JMY: variants seen among roughly 807,000 people sequenced by gnomAD.
JMY encodes junction-mediating and -regulatory protein.
Under a neutral mutation model 103.3 loss-of-function variants are expected in JMY, and 46 were observed. That is an observed-to-expected ratio of 0.45 (90% CI 0.35 to 0.57). The LOEUF (loss-of-function observed/expected upper bound fraction) is 0.57. JMY is among the 20% of genes least tolerant of loss of function. The probability of loss-of-function intolerance (pLI) is 0.00; values close to 1 mark genes in which losing one functional copy is unlikely to be tolerated. For synonymous variants in JMY, 526 were observed against 489.3 expected, an observed-to-expected ratio of 1.07 and a Z score of -0.99; for missense variants, 1,238 against 1,255.2, an observed-to-expected ratio of 0.99 and a Z score of 0.21.
intron 2 of JMY, among the ~76,000 whole-genome samples, chr5:79,285,853 A>T (rs994833310): frequency 9.9e-5 from 15 of 152,252 alleles, no homozygotes; most frequent in Middle Eastern, 3.4e-3. Flanking sequence ...TTTCCCCCCT[A>T]CTGTGTTTCT....
chr5:79,273,104 AAT>A (rs1212796801), intron 1 of JMY, among the ~76,000 whole-genome samples: 2 of 152,348 alleles, frequency 1.3e-5, no homozygotes, highest in East Asian at 3.9e-4. Flanking sequence ...TAAGAGGAAA[AAT>A]AGTCTATTTT....
intron 1 of JMY, among the ~76,000 whole-genome samples, chr5:79,267,756 G>A (rs542618984): frequency 6.6e-6 from 1 of 152,292 alleles, no homozygotes; most frequent in East Asian, 1.9e-4. Flanking sequence ...TTGTATGGAT[G>A]TACTACAATT....
chr5:79,305,661 G>C (rs1422478340), intron 6 of JMY, among the ~76,000 whole-genome samples: 1 of 151,616 alleles, frequency 6.6e-6, no homozygotes, highest in Non-Finnish European at 1.5e-5. Flanking sequence ...GTTTTATATG[G>C]TGATTGGAAA....
rs1747457312 is a variant in JMY at position 79,321,752 on chromosome 5, G to C, written c.*150G>C. 1 of 152,166 alleles carries C rather than the reference G, an allele frequency of 6.6e-6. No individual in the cohort carries two copies. The highest frequency in any genetic ancestry group is 1.5e-5 in the Non-Finnish European group (1 of 68,026). The allele number at this position is 152,166 out of a possible 1,614,324, so 9.4% of individuals were successfully genotyped here. A position where few individuals can be genotyped will look rare whatever the true frequency, so the allele number is the denominator to read the frequency against. On this transcript the variant is annotated 3_prime_UTR_variant, in exon 11 of 11. Transcript: ENST00000396137. The stretch of plus-strand genomic sequence containing the variant: ...GTGAAGAAAGGAAGCACAATTGGCA[G>C]GTTATCACTTTCCAGTCGTTCCAAT...
At chr5:79,257,233 C>G (rs932799069) in intron 1 of JMY, among the ~76,000 whole-genome samples, 1 of 151,914 alleles carries the variant, frequency 6.6e-6, no homozygotes, top group Non-Finnish European at 1.5e-5. Context: ...CTACCATGCC[C>G]GGCTAAGTTC....
At chr5:79,286,321 TA>T (rs1033623547) in intron 2 of JMY, among the ~76,000 whole-genome samples, 2 of 151,856 alleles carry the variant, frequency 1.3e-5, no homozygotes, top group Non-Finnish European at 2.9e-5. Flanking sequence ...TGCCACAGGT[TA>T]AAAAAAAATT....
At chr5:79,257,921 C>A (rs996005377) in intron 1 of JMY, among the ~76,000 whole-genome samples, 2 of 152,116 alleles carry the variant, frequency 1.3e-5, no homozygotes, top group Non-Finnish European at 2.9e-5. Flanking sequence ...CACCCCAACA[C>A]CTGGCTAATT....
intron 4 of JMY, among the ~76,000 whole-genome samples, chr5:79,298,485 C>T (rs952583522): frequency 2.0e-5 from 3 of 152,136 alleles, no homozygotes; most frequent in African/African-American, 7.2e-5. Flanking sequence ...GACATTATTC[C>T]TTGGTTCTTA....
intron 1 of JMY, among the ~76,000 whole-genome samples, chr5:79,257,135 C>T (rs1024334687): frequency 4.6e-5 from 7 of 150,952 alleles, no homozygotes; most frequent in Non-Finnish European, 8.8e-5. Context: ...TGCAGTGGTG[C>T]GATCTCGGCT....
chr5:79,303,241 T>G (rs1746789345), intron 6 of JMY, among the ~76,000 whole-genome samples: 1 of 152,134 alleles, frequency 6.6e-6, no homozygotes, highest in Admixed American at 6.6e-5. Flanking sequence ...AATATTTTAT[T>G]TATTTTTTTA....
intron 7 of JMY, among the ~76,000 whole-genome samples, chr5:79,310,251 G>C (rs547880164): frequency 6.6e-6 from 1 of 151,580 alleles, no homozygotes; most frequent in African/African-American, 2.4e-5. Flanking sequence ...TTAGTAGATG[G>C]GGTTTCACCA....
At chr5:79,269,937 C>T (rs2112075304) in intron 1 of JMY, among the ~76,000 whole-genome samples, 1 of 152,004 alleles carries the variant, frequency 6.6e-6, no homozygotes, top group East Asian at 1.9e-4. Context: ...TACTATGTTG[C>T]CCAGGTGGGT....
At position 79,290,846 on chromosome 5, in the gene JMY, C is replaced by T. The variant is rs545572190; in HGVS notation, c.1358-284C>T. Among the ~76,000 whole-genome samples, 3 of 152,190 alleles carry T rather than the reference C, an allele frequency of 2.0e-5. No individual in the cohort carries two copies. In the East Asian group the frequency reaches 5.8e-4, roughly 29 times the overall value. On this transcript the variant is annotated intron_variant, in intron 3 of 10. Transcript: ENST00000396137. Reference sequence around the variant, plus strand: ...ACTAAAAATACAAAAATTAGCCGGGCATGGTGGTGGGTGCCTGTAATCCCA... The same window carrying T: ...ACTAAAAATACAAAAATTAGCCGGGTATGGTGGTGGGTGCCTGTAATCCCA...
At chr5:79,265,045 C>T (rs1358234142) in intron 1 of JMY, among the ~76,000 whole-genome samples, 2 of 152,134 alleles carry the variant, frequency 1.3e-5, no homozygotes, top group Non-Finnish European at 2.9e-5. Flanking sequence ...CCTGCCTCAG[C>T]CTCCTGAGTA....
At chr5:79,262,788 TTCTG>T (rs1316760853) in intron 1 of JMY, among the ~76,000 whole-genome samples, 2 of 152,244 alleles carry the variant, frequency 1.3e-5, no homozygotes, top group Non-Finnish European at 2.9e-5. Flanking sequence ...TAAAGTACTA[TTCTG>T]TCTGAGGACA....
At chr5:79,278,585 C>CA (rs34278536) in intron 2 of JMY, among the ~76,000 whole-genome samples, 3,412 of 57,228 alleles carry the variant, frequency 0.06, 632 homozygotes, top group African/African-American at 0.065. Context: ...CCCGTCTCTA[C>CA]AAAAAAAAAA....
At chr5:79,279,794 C>G (rs1746055607) in intron 2 of JMY, among the ~76,000 whole-genome samples, 1 of 152,050 alleles carries the variant, frequency 6.6e-6, no homozygotes, top group African/African-American at 2.4e-5. Context: ...GTTAAAACAG[C>G]AACATGGAAC....
At chr5:79,240,304 G>A (rs543849338) in intron 1 of JMY, among the ~76,000 whole-genome samples, 2 of 151,674 alleles carry the variant, frequency 1.3e-5, no homozygotes, top group East Asian at 3.9e-4. Context: ...GTGAGCCACC[G>A]CACCCAGCCT....
chr5:79,263,619 T>C (rs1049018298), intron 1 of JMY, among the ~76,000 whole-genome samples: 1 of 151,958 alleles, frequency 6.6e-6, no homozygotes, highest in Non-Finnish European at 1.5e-5. Flanking sequence ...GGTCTTGAAC[T>C]CCTGACCTCA....
Sources: allele counts gnomAD v4.1 joint callset (sites outside exome capture counted in the v4.1 genomes callset), GRCh38; gene constraint gnomAD v4.1.1; transcripts MANE v1.5; gene names NCBI Gene and HGNC (gene_info 2026-07-23, HGNC 2026-07-21).